Variants in RSRP1 observed in about 807,000 individuals in gnomAD.
RSRP1 encodes arginine/serine-rich protein 1.
A neutral mutation model predicts 33.0 loss-of-function variants in RSRP1; 37 were observed. The observed-to-expected ratio is 1.12, with a 90% CI of 0.86 to 1.48. The LOEUF is 1.48. RSRP1 is among the 40% of genes most tolerant of loss of function. The pLI, the probability that RSRP1 is intolerant of heterozygous loss-of-function variation, is 0.00. For missense variants in RSRP1, 402 were observed against 385.3 expected, an observed-to-expected ratio of 1.04 and a Z score of -0.36; for synonymous variants, 167 against 158.7, an observed-to-expected ratio of 1.05 and a Z score of -0.40.
chr1:25,322,226 C>T lies in RSRP1; in HGVS notation c.-67+15752G>A, dbSNP rs1248787129. ...GATGAGACAGCTTTCACTGGCCACA[C>T]TTCCCCTCCCCCTATCTGCAGTCCT... On this transcript the variant is annotated intron_variant, in intron 1 of 1. Coordinates refer to the RSRP1 transcript ENST00000561867. Among the ~76,000 whole-genome samples, 4 of 132,262 alleles carry T rather than the reference C, an allele frequency of 3.0e-5. 1 individual carries two copies. The South Asian group carries it at 6.9e-4, about 23-fold the overall frequency. The allele number at this position is 132,262 out of a possible 152,430, so 86.8% of individuals were successfully genotyped here.
chr1:25,244,302 A>G, intron 3 of RSRP1: 2 of 1,287,920 alleles, frequency 1.6e-6, no homozygotes, highest in South Asian at 2.5e-5. Context: ...ACCTTTGCTT[A>G]GTTTAAAAAT....
upstream of RSRP1, among the ~76,000 whole-genome samples, chr1:25,250,792 C>G (rs1247976688): frequency 6.6e-6 from 1 of 152,130 alleles, no homozygotes; most frequent in Non-Finnish European, 1.5e-5. Context: ...AGGCGGATCA[C>G]CAGGTCAGGC....
At chr1:25,246,333 C>T (rs1046980672) in intron 2 of RSRP1, 111 bp downstream of exon 2, 7 of 1,482,356 alleles carry the variant, frequency 4.7e-6, no homozygotes, top group East Asian at 4.6e-5. Flanking sequence ...AAAAAGATTT[C>T]GGGCACTAAA....
intron 1 of RSRP1, among the ~76,000 whole-genome samples, chr1:25,287,098 C>A (rs1642087282): frequency 7.4e-6 from 1 of 134,808 alleles, no homozygotes; most frequent in African/African-American, 2.6e-5. Flanking sequence ...GTCTCAAAAA[C>A]AAAACAAAAC....
chr1:25,260,052 C>A (rs1251566671), intron 1 of RSRP1, among the ~76,000 whole-genome samples: 2 of 152,040 alleles, frequency 1.3e-5, no homozygotes, highest in African/African-American at 4.8e-5. Flanking sequence ...CACACTTTGC[C>A]AAACAGGATG....
chr1:25,293,998 C>A (rs1571638814), intron 1 of RSRP1, among the ~76,000 whole-genome samples: 2 of 132,080 alleles, frequency 1.5e-5, no homozygotes, highest in African/African-American at 5.2e-5. Flanking sequence ...TCCTCTCAAA[C>A]CTTTTCCTCA....
At position 25,285,917 on chromosome 1, in the gene RSRP1, A is replaced by C. The variant is rs768056695; in HGVS notation, c.-66-38888T>G. ...CTAAACCTCTGGGCACTGCTGTTAAACATTTCTCTATGAGCCAGGAACTGT... is the reference window on the plus strand; with the variant it reads ...CTAAACCTCTGGGCACTGCTGTTAACCATTTCTCTATGAGCCAGGAACTGT... On this transcript the variant is annotated intron_variant, in intron 1 of 1. Coordinates refer to the RSRP1 transcript ENST00000561867. 2.2e-5 allele frequency among the ~76,000 whole-genome samples: 3 copies of C among 134,364 alleles called. 1 individual carries two copies. Among genetic ancestry groups the C allele is most frequent in the Non-Finnish European group, 5.3e-5 (3 of 57,020 alleles). The allele number at this position is 134,364 out of a possible 152,430, so 88.1% of individuals were successfully genotyped here.
At chr1:25,261,446 C>A (rs1380624937) in intron 1 of RSRP1, among the ~76,000 whole-genome samples, 3 of 150,892 alleles carry the variant, frequency 2.0e-5, no homozygotes, top group Non-Finnish European at 3.0e-5. Context: ...ACTCTGTCAC[C>A]CAGGCTGGAG....
intron 1 of RSRP1, among the ~76,000 whole-genome samples, chr1:25,272,174 T>C (rs1472964030): frequency 8.4e-6 from 1 of 118,364 alleles, no homozygotes; most frequent in African/African-American, 2.8e-5. Context: ...ATAGGAGTAT[T>C]GATCCATTCC....
intron 1 of RSRP1, among the ~76,000 whole-genome samples, chr1:25,308,906 T>C (rs1643991359): frequency 7.6e-6 from 1 of 131,778 alleles, no homozygotes; most frequent in South Asian, 2.3e-4. Context: ...CTCAGTTTTC[T>C]ATCTGTAAAA....
chr1:25,311,722 T>G (rs3094243), intron 1 of RSRP1, among the ~76,000 whole-genome samples: 87,942 of 126,194 alleles, frequency 0.7, 36,028 homozygotes, highest in South Asian at 0.86. Context: ...CTTGGGTCTC[T>G]GCTCCCCACA....
At position 25,336,020 on chromosome 1, in the gene RSRP1, C is replaced by T. The variant is rs1346102959; in HGVS notation, c.-67+1958G>A. ...CCACATTGGCCAGGCTGGTCTTGAA[C>T]TCCTGGCCTCAAGCAATCCTCCCAC... On this transcript the variant is annotated intron_variant, in intron 1 of 1. Coordinates refer to the RSRP1 transcript ENST00000561867. 3.8e-3 allele frequency: 92 copies of T among 24,142 alleles called. 2 individuals carry two copies. The highest frequency in any genetic ancestry group is 0.01 in the African/African-American group (86 of 8,390). 1.5% of individuals were successfully genotyped at this position (24,142 alleles called of 1,614,324 possible).
At chr1:25,302,078 G>T (rs1342897722) in intron 1 of RSRP1, among the ~76,000 whole-genome samples, 1 of 130,594 alleles carries the variant, frequency 7.7e-6, no homozygotes, top group Non-Finnish European at 1.8e-5. Flanking sequence ...ATCAGAATCA[G>T]AAGTAGAGAA....
Position 25,289,186 on chromosome 1 carries a change from C to G in RSRP1, c.-66-42157G>C, listed in dbSNP as rs1294194364. ...TGAATGGTGAGCTAGCACGATTTTA[C>G]AGAGAGTGAATTTTTTTTGTGTGTG... On this transcript the variant is annotated intron_variant, in intron 1 of 1. Transcript: ENST00000561867. 3.8e-5 allele frequency among the ~76,000 whole-genome samples: 5 copies of G among 132,168 alleles called. No homozygotes were observed. In the East Asian group the frequency reaches 5.9e-4, roughly 16 times the overall value. 86.7% of individuals were successfully genotyped at this position (132,168 alleles called of 152,430 possible).
intron 1 of RSRP1, among the ~76,000 whole-genome samples, chr1:25,276,656 G>T (rs1641022498): frequency 7.7e-6 from 1 of 130,392 alleles, no homozygotes. Context: ...TGAGGCTGCA[G>T]TGGGACGGGA....
chr1:25,246,473 C>T lies in RSRP1; in HGVS notation c.491G>A (p.Ser164Asn), dbSNP rs1639405908. 1.2e-6 allele frequency: 2 copies of T among 1,614,086 alleles called. No individual in the cohort carries two copies. The highest frequency in any genetic ancestry group is 1.7e-5 in the Admixed American group (1 of 60,024). ...TTCACTTAAGCGAAAGGGGGTTCTG[C>T]TCCGCGACCTCGTCCTGGATCTGTC... is the stretch of plus-strand genomic sequence containing the variant. ...WRDRSRTRSR[S>N]RTPFRLSEKD... Residue 164 changes from serine (S) to asparagine (N), a missense_variant, in exon 2 of 5, where the codon AGC becomes AAC. By Grantham distance (46) the Ser-to-Asn change is conservative. Transcript: ENST00000243189.
intron 1 of RSRP1, among the ~76,000 whole-genome samples, chr1:25,260,431 A>AT (rs150944923): frequency 4.0e-5 from 6 of 151,650 alleles, no homozygotes; most frequent in South Asian, 2.1e-4. Flanking sequence ...AATTTTACAG[A>AT]TTTTTTTTTC....
chr1:25,271,491 G>C lies in RSRP1; in HGVS notation c.-66-24462C>G. Among the ~76,000 whole-genome samples the C allele has an allele frequency of 1.5e-5, 2 of 132,218 alleles. 1 individual carries two copies. The highest frequency in any genetic ancestry group is 3.6e-5 in the Non-Finnish European group (2 of 55,828). 86.7% of individuals were successfully genotyped at this position (132,218 alleles called of 152,430 possible). A position where few individuals can be genotyped will look rare whatever the true frequency, so the allele number is the denominator to read the frequency against. ...ACATTCAGTTTACACTCAGTGGCCAGTGGCTGGGACCATTGTAGAAAATAA... is the reference window on the plus strand; with the variant it reads ...ACATTCAGTTTACACTCAGTGGCCACTGGCTGGGACCATTGTAGAAAATAA... On this transcript the variant is annotated intron_variant, in intron 1 of 1. Coordinates refer to the RSRP1 transcript ENST00000561867.
intron 1 of RSRP1, among the ~76,000 whole-genome samples, chr1:25,314,614 C>T (rs1255608953): frequency 1.5e-5 from 2 of 132,766 alleles, no homozygotes; most frequent in African/African-American, 5.1e-5. Context: ...ATACTTCATC[C>T]TCCTGAGTAG....
Sources: gnomAD v4.1 joint callset for allele counts (sites outside exome capture counted in the v4.1 genomes callset) on GRCh38, gnomAD v4.1.1 for gene constraint, MANE v1.5 for transcripts, NCBI Gene and HGNC (gene_info 2026-07-23, HGNC 2026-07-21) for gene names.